LRRC27: variants seen among roughly 807,000 people sequenced by gnomAD.
The protein encoded by LRRC27 is leucine-rich repeat-containing protein 27.
Under a neutral mutation model 55.0 loss-of-function variants are expected in LRRC27, and 57 were observed. The ratio of observed to expected loss-of-function variants is 1.04; its 90% CI spans 0.84 to 1.29. The LOEUF is 1.29. Ranked by LOEUF, LRRC27 falls within the 50% of genes most tolerant of loss-of-function variation. The probability of loss-of-function intolerance (pLI) is 0.00; values close to 1 mark genes in which losing one functional copy is unlikely to be tolerated. For synonymous variants in LRRC27, 278 were observed against 251.9 expected, an observed-to-expected ratio of 1.10 and a Z score of -0.98; for missense variants, 721 against 651.5, an observed-to-expected ratio of 1.11 and a Z score of -1.16.
intron 2 of LRRC27, among the ~76,000 whole-genome samples, chr10:132,334,078 G>A (rs1255715843): frequency 6.6e-6 from 1 of 152,224 alleles, no homozygotes; most frequent in Non-Finnish European, 1.5e-5. Flanking sequence ...AACATGAGCA[G>A]TTAAAAACTT....
At chr10:132,336,947 CGT>C in intron 2 of LRRC27, 1 of 614,000 alleles carries the variant, frequency 1.6e-6, no homozygotes, top group Non-Finnish European at 2.7e-6. Context: ...CTAAAATCAG[CGT>C]GTATACGTTC....
rs1210390119 is a variant in LRRC27 at position 132,379,799 on chromosome 10, T to C, written c.*4557T>C. 4.6e-5 allele frequency: 7 copies of C among 152,266 alleles called. No homozygotes were observed. The East Asian group carries it at 1.3e-3, about 29-fold the overall frequency. The allele number at this position is 152,266 out of a possible 1,614,324, so 9.4% of individuals were successfully genotyped here. ...ATAAGTTGACCCTTGAACAAGAGTT[T>C]GAATTATAAGGGTCCACTTATAAGT... On this transcript the variant is annotated 3_prime_UTR_variant, in exon 11 of 11. Transcript: ENST00000368614.
Position 132,361,552 on chromosome 10 carries a change from G to T in LRRC27, c.1266G>T (p.Ser422=), listed in dbSNP as rs373107236. The part of the protein sequence containing the change: ...PGKMKPSKEK[S]PQASKEMSAL... ...AAATGAAACCAAGCAAAGAGAAATC[G>T]CCACAAGCAAGTAAAGAAATGAGGT... Residue 422 remains serine, a synonymous_variant, in exon 9 of 11, where the codon TCG becomes TCT. Coordinates refer to ENST00000368614, the MANE Select transcript of LRRC27 (RefSeq NM_030626.3). 1 of 1,613,396 alleles carries T rather than the reference G, an allele frequency of 6.2e-7. No homozygotes were observed.
intron 4 of LRRC27, 47 bp downstream of exon 4, chr10:132,342,318 A>G (rs1378242264): frequency 2.4e-6 from 3 of 1,243,952 alleles, no homozygotes; most frequent in African/African-American, 1.5e-5. Context: ...CTATCTTTTG[A>G]ACTTGCCAGA....
At position 132,333,700 on chromosome 10, in the gene LRRC27, G is replaced by T; in HGVS notation, c.176G>T (p.Arg59Leu). 1 of 1,613,670 alleles carries T rather than the reference G, an allele frequency of 6.2e-7. No homozygotes were observed. Among genetic ancestry groups the T allele is most frequent in the Non-Finnish European group, 8.5e-7 (1 of 1,180,026 alleles). ...ILDLSESGLC[R>L]LEEVFRIPSL... ...GACTTGAGTGAAAGTGGTCTGTGCC[G>T]TTTGGAGGAGGTCTTTAGAATCCCC... Residue 59 changes from arginine to leucine, a missense_variant, in exon 2 of 11, where the codon CGT becomes CTT. Arg to Leu is a moderately radical substitution (Grantham distance 102). Coordinates refer to ENST00000368614, the MANE Select transcript of LRRC27 (RefSeq NM_030626.3).
At chr10:132,331,551 G>T, upstream of LRRC27, 1 of 1,612,954 alleles carries the variant, frequency 6.2e-7, no homozygotes, top group Non-Finnish European at 8.5e-7. Flanking sequence ...TTGGGGACAA[G>T]CAGCTCCTGT....
rs59886280 is a variant in LRRC27 at position 132,335,680 on chromosome 10, C to T, written c.211-1885C>T. ...CCTCATAGGCAGAGTACTATAGGGTCGCAGTCTTCCTGGACGTTCCCTATT... is the reference window on the plus strand; with the variant it reads ...CCTCATAGGCAGAGTACTATAGGGTTGCAGTCTTCCTGGACGTTCCCTATT... On this transcript the variant is annotated intron_variant, in intron 2 of 10. Coordinates refer to ENST00000368614, the MANE Select transcript of LRRC27 (RefSeq NM_030626.3). 5.3e-3 allele frequency among the ~76,000 whole-genome samples: 800 copies of T among 152,138 alleles called. 5 individuals carry two copies. The highest frequency in any genetic ancestry group is 0.018 in the African/African-American group (735 of 41,484).
rs1310870174 is a variant in LRRC27 at position 132,364,734 on chromosome 10, AC to A, written c.1290-689del. On this transcript the variant is annotated intron_variant, in intron 9 of 10. Transcript: ENST00000368614. ...ACTCATGCAGTCCGCGTCCACACTT[AC>A]ATCTACCTCCACGCCCACACTTACA... Among the ~76,000 whole-genome samples, 2 of 6,968 alleles carry A rather than the reference AC, an allele frequency of 2.9e-4. 1 individual carries two copies. Among genetic ancestry groups the A allele is most frequent in the Non-Finnish European group, 1.2e-3 (2 of 1,620 alleles). The allele number at this position is 6,968 out of a possible 152,430, so 4.6% of individuals were successfully genotyped here.
At chr10:132,336,930 T>C in intron 2 of LRRC27, 5 of 639,662 alleles carry the variant, frequency 7.8e-6, no homozygotes, top group Non-Finnish European at 1.3e-5. Flanking sequence ...ATATGCATTT[T>C]ACACAGCTAA....
chr10:132,339,020 C>G (rs757781206), intron 3 of LRRC27, among the ~76,000 whole-genome samples: 4 of 152,208 alleles, frequency 2.6e-5, no homozygotes, highest in Non-Finnish European at 5.9e-5. Flanking sequence ...ACCTGAACCT[C>G]TTTTGACAAG....
intron 10 of LRRC27, chr10:132,367,069 C>G: frequency 7.0e-6 from 7 of 992,936 alleles, no homozygotes; most frequent in Non-Finnish European, 8.7e-6. Context: ...TGCAAAACAT[C>G]TGTGTCTTAA....
At chr10:132,333,446 G>A in intron 1 of LRRC27, 31 bp from the exon 2 acceptor site, 4 of 1,065,852 alleles carry the variant, frequency 3.8e-6, no homozygotes, top group Non-Finnish European at 5.3e-6. Flanking sequence ...ATAATTAGTT[G>A]CTTCTACGTT....
At chr10:132,344,783 C>T in intron 5 of LRRC27, 133 bp downstream of exon 5, 1 of 897,760 alleles carries the variant, frequency 1.1e-6, no homozygotes, top group Non-Finnish European at 1.7e-6. Context: ...GCTGAGTTGA[C>T]ACAGTGTACA....
At chr10:132,347,943 G>A in intron 5 of LRRC27, 41 bp from the exon 6 acceptor site, 1 of 1,543,408 alleles carries the variant, frequency 6.5e-7, no homozygotes, top group Non-Finnish European at 8.7e-7. Flanking sequence ...CAGAGGGATG[G>A]CGTTGATGGT....
chr10:132,352,344 G>A (rs577069739), intron 7 of LRRC27, among the ~76,000 whole-genome samples: 7 of 88,920 alleles, frequency 7.9e-5, no homozygotes, highest in Middle Eastern at 6.3e-3. Flanking sequence ...TGAGGCCTCC[G>A]TGTGGGGCAG....
intron 9 of LRRC27, among the ~76,000 whole-genome samples, chr10:132,364,798 C>CG (rs2068961584): frequency 3.3e-5 from 4 of 120,776 alleles, no homozygotes. Flanking sequence ...ACACTCACAC[C>CG]CACCCACACT....
chr10:132,369,575 CA>C (rs60922698), intron 10 of LRRC27, among the ~76,000 whole-genome samples: 63,619 of 151,948 alleles, frequency 0.42, 14,187 homozygotes, highest in African/African-American at 0.57. Context: ...CAGCAGAACA[CA>C]AAAGGGTTTT....
At position 132,333,660 on chromosome 10, in the gene LRRC27, T is replaced by A; in HGVS notation, c.136T>A (p.Ser46Thr). 1 of 1,613,742 alleles carries A rather than the reference T, an allele frequency of 6.2e-7. No individual in the cohort carries two copies. Among genetic ancestry groups the A allele is most frequent in the South Asian group, 1.1e-5 (1 of 91,062 alleles). Residue 46 changes from serine (S) to threonine (T), a missense_variant, in exon 2 of 11, where the codon TCC becomes ACC. Ser to Thr is a moderately conservative substitution (Grantham distance 58). Coordinates refer to ENST00000368614, the MANE Select transcript of LRRC27 (RefSeq NM_030626.3). ...GGGTGTTGGAGGCATCATCTTTTCC[T>A]CCTCACCGATTTTAGACTTGAGTGA... ...HKGVGGIIFSSSPILDLSESG... is the reference protein window; with the variant it reads ...HKGVGGIIFSTSPILDLSESG...
Position 132,336,218 on chromosome 10 carries a change from G to T in LRRC27, c.211-1347G>T, listed in dbSNP as rs567329962. ...TGAGCACTGGAATCAGCTTGCCCTGGGGGGGGAAGAACAGGACCAAGAAGT... is the reference window on the plus strand; with the variant it reads ...TGAGCACTGGAATCAGCTTGCCCTGTGGGGGGAAGAACAGGACCAAGAAGT... On this transcript the variant is annotated intron_variant, in intron 2 of 10. Transcript: ENST00000368614. 1.8e-3 allele frequency among the ~76,000 whole-genome samples: 232 copies of T among 126,412 alleles called. 1 individual carries two copies. Among genetic ancestry groups the T allele is most frequent in the Non-Finnish European group, 3.2e-3 (196 of 60,892 alleles). The allele number at this position is 126,412 out of a possible 152,430, so 82.9% of individuals were successfully genotyped here. A position where few individuals can be genotyped will look rare whatever the true frequency, so the allele number is the denominator to read the frequency against.
Sources: allele counts gnomAD v4.1 joint callset (sites outside exome capture counted in the v4.1 genomes callset), GRCh38; gene constraint gnomAD v4.1.1; transcripts MANE v1.5; gene names NCBI Gene and HGNC (gene_info 2026-07-23, HGNC 2026-07-21).